PLXND1: variants seen among roughly 807,000 people sequenced by gnomAD.
PLXND1 encodes the protein plexin-D1.
A neutral mutation model predicts 197.7 loss-of-function variants in PLXND1; 54 were observed. The observed-to-expected ratio is 0.27, with a 90% CI of 0.22 to 0.34. The LOEUF (loss-of-function observed/expected upper bound fraction) is 0.34, where lower values mean the gene tolerates loss of function less well. PLXND1 is among the 10% of genes least tolerant of loss of function. The pLI, the probability that PLXND1 is intolerant of heterozygous loss-of-function variation, is 1.00. For missense variants in PLXND1, 2,127 were observed against 2,699.2 expected, an observed-to-expected ratio of 0.79 and a Z score of 4.70; for synonymous variants, 1,180 against 1,161.2, an observed-to-expected ratio of 1.02 and a Z score of -0.33.
chr3:129,565,585 C>T lies in PLXND1; in HGVS notation c.4323-47G>A, dbSNP rs763480304. The T allele has an allele frequency of 3.9e-6, 6 of 1,529,224 alleles. No homozygotes were observed. In the East Asian group the frequency reaches 1.4e-4, roughly 35 times the overall value. 94.7% of individuals were successfully genotyped at this position (1,529,224 alleles called of 1,614,324 possible). ...CAACTGCACCTTGAGGCCCTAGGAG[C>T]TGTGGGTCCCAGGGTCTCAGTGCCG... On this transcript the variant is annotated intron_variant, in intron 24 of 35. Transcript: ENST00000324093.
chr3:129,562,240 C>A (rs945020382), intron 27 of PLXND1, among the ~76,000 whole-genome samples: 1 of 151,206 alleles, frequency 6.6e-6, no homozygotes, highest in African/African-American at 2.4e-5. Context: ...AGGCCCCGCG[C>A]GGTGGCTCAC....
At position 129,589,331 on chromosome 3, in the gene PLXND1, A is replaced by AACCC; in HGVS notation, c.1488+19_1488+20insGGGT. On this transcript the variant is annotated intron_variant, in intron 2 of 35. Transcript: ENST00000324093. ...AGCCTCCCACCCCCACCCCCTCCCC[A>AACCC]CATCCCCAACCATACCTACCTTGAG... is the stretch of plus-strand genomic sequence containing the variant. 1 of 489,468 alleles carries AACCC rather than the reference A, an allele frequency of 2.0e-6. No homozygotes were observed. Among genetic ancestry groups the AACCC allele is most frequent in the South Asian group, 2.3e-5 (1 of 42,718 alleles). The allele number at this position is 489,468 out of a possible 1,614,324, so 30.3% of individuals were successfully genotyped here. A position where few individuals can be genotyped will look rare whatever the true frequency, so the allele number is the denominator to read the frequency against.
chr3:129,570,536 G>A, intron 19 of PLXND1: 1 of 553,708 alleles, frequency 1.8e-6, no homozygotes, highest in Admixed American at 3.1e-5. Context: ...GGGGGACAGG[G>A]ACAATTTCTT....
At chr3:129,603,522 CAA>C (rs1393512549) in intron 1 of PLXND1, among the ~76,000 whole-genome samples, 9 of 152,270 alleles carry the variant, frequency 5.9e-5, no homozygotes, top group East Asian at 3.9e-4. Flanking sequence ...CCCCCAGTGC[CAA>C]ACACAGTTGC....
chr3:129,592,309 C>T (rs1378886002), intron 1 of PLXND1, among the ~76,000 whole-genome samples: 3 of 152,170 alleles, frequency 2.0e-5, no homozygotes, highest in Non-Finnish European at 4.4e-5. Context: ...CTCACCACTG[C>T]GAGGGATGAT....
In PLXND1 at chr3:129,583,652, G is replaced by C; in HGVS notation, c.2156C>G (p.Ser719Trp). The change falls in exon 8 of 36, where the codon TCG (serine) becomes TGG (tryptophan). Residue 719 changes from serine (S) to tryptophan (W), a missense_variant. This residue lies in a region of PLXND1 where 1,095 missense variants were observed against 1,259.8 expected (regional missense o/e 0.87). Transcript: ENST00000324093. ...YPHTACTSCLSAQWPCFWCSQ... is the reference protein window; with the variant it reads ...YPHTACTSCLWAQWPCFWCSQ... ...GCACCAGAAACAGGGCCACTGTGCC[G>C]ACAGGCAGCTGGTACAGCTGGAAGA... The C allele has an allele frequency of 6.2e-7, 1 of 1,612,666 alleles. No homozygotes were observed. Among genetic ancestry groups the C allele is most frequent in the Non-Finnish European group, 8.5e-7 (1 of 1,179,400 alleles).
chr3:129,581,053 G>A (rs1431547430), intron 8 of PLXND1, among the ~76,000 whole-genome samples: 2 of 152,070 alleles, frequency 1.3e-5, no homozygotes, highest in African/African-American at 2.4e-5. Flanking sequence ...CATCTTTCAC[G>A]CGGGGACCAT....
chr3:129,578,323 A>G lies in PLXND1; in HGVS notation c.2346+6T>C. ...CCCACCCGGCGCTGGCCTGGCTTCT[A>G]CTTACCTGGAAAAAGGCAGTGTTGG... On this transcript the variant is annotated splice_donor_region_variant and intron_variant, in intron 9 of 35. Coordinates refer to ENST00000324093, the MANE Select transcript of PLXND1 (RefSeq NM_015103.3). 1.9e-6 allele frequency: 3 copies of G among 1,581,526 alleles called. No individual in the cohort carries two copies. The highest frequency in any genetic ancestry group is 2.6e-6 in the Non-Finnish European group (3 of 1,159,588).
chr3:129,566,135 C>A (rs146453977), intron 23 of PLXND1, 118 bp from the exon 24 acceptor site: 36 of 1,018,398 alleles, frequency 3.5e-5, no homozygotes, highest in Admixed American at 3.1e-4. Flanking sequence ...TCATTACCTT[C>A]CACGGTGGAT....
intron 10 of PLXND1, 38 bp from the exon 11 acceptor site, chr3:129,575,600 A>C: frequency 2.1e-6 from 3 of 1,447,460 alleles, no homozygotes; most frequent in Non-Finnish European, 2.9e-6. Flanking sequence ...GGGCATGGGC[A>C]ATGCCTGGGG....
At chr3:129,569,219 T>C (rs545351868) in intron 20 of PLXND1, 1 of 151,718 alleles carries the variant, frequency 6.6e-6, no homozygotes, top group East Asian at 2.0e-4. Flanking sequence ...ATTTGGGTTG[T>C]TTTGACTTCC....
chr3:129,565,891 C>G lies in PLXND1; in HGVS notation c.4318G>C (p.Asp1440His), dbSNP rs747176885. The change falls in exon 24 of 36, where the codon GAC becomes CAC. Residue 1440 changes from aspartate to histidine, a missense_variant. Coordinates refer to ENST00000324093, the MANE Select transcript of PLXND1 (RefSeq NM_015103.3). ...CCCAGTCTGTCACAGCCTGACCTGT[C>G]GCGCACCGCAAAGTCCTTCTGCTGC... ...LEQQKDFAVR[D>H]RCSLASLLTI... 2 of 1,613,992 alleles carry G rather than the reference C, an allele frequency of 1.2e-6. No homozygotes were observed. Among genetic ancestry groups the G allele is most frequent in the East Asian group, 4.5e-5 (2 of 44,882 alleles).
chr3:129,571,878 C>T (rs936224161), intron 15 of PLXND1, 34 bp from the exon 16 acceptor site: 2 of 1,549,446 alleles, frequency 1.3e-6, no homozygotes, highest in East Asian at 2.4e-5. Context: ...GCAGGGCCTG[C>T]CTTCTGCTGC....
intron 5 of PLXND1, 84 bp from the exon 6 acceptor site, chr3:129,584,646 T>C: frequency 1.5e-6 from 2 of 1,300,380 alleles, no homozygotes; most frequent in African/African-American, 3.0e-5. Context: ...ACCCAAGGTC[T>C]GGCACTGCCT....
intron 31 of PLXND1, 84 bp from the exon 32 acceptor site, chr3:129,559,867 G>T: frequency 8.5e-7 from 1 of 1,180,208 alleles, no homozygotes; most frequent in Non-Finnish European, 1.2e-6. Flanking sequence ...TGCGGAGCTT[G>T]AAATGCCAGG....
At chr3:129,591,480 A>G (rs986363963) in intron 1 of PLXND1, 27 of 152,428 alleles carry the variant, frequency 1.8e-4, no homozygotes, top group African/African-American at 6.3e-4. Context: ...TTCAGCATCA[A>G]TATGGTGACC....
In PLXND1 at chr3:129,557,533, A is replaced by G. The variant is rs182502737; in HGVS notation, c.5446-310T>C. On this transcript the variant is annotated intron_variant, in intron 33 of 35. Coordinates refer to ENST00000324093, the MANE Select transcript of PLXND1 (RefSeq NM_015103.3). This position sits in a 1 kb window ranked among gnomAD's most constrained non-coding sequence, Gnocchi z 4.8. ...GCCAGCTCTTCACTGCACGCAGCCC[A>G]TTCCACGTAACAAGGATGTGTCCTT... is the stretch of plus-strand genomic sequence containing the variant. 1.4e-3 allele frequency among the ~76,000 whole-genome samples: 212 copies of G among 152,162 alleles called. 2 individuals are homozygous for G. The East Asian group carries it at 0.035, about 25-fold the overall frequency.
At chr3:129,564,166 G>A (rs1319039336) in intron 25 of PLXND1, among the ~76,000 whole-genome samples, 3 of 152,216 alleles carry the variant, frequency 2.0e-5, no homozygotes. Context: ...CCCAGGCCCT[G>A]CCTCTGCTCC....
chr3:129,586,616 C>T lies in PLXND1; in HGVS notation c.1592G>A (p.Gly531Asp). 6.4e-7 allele frequency: 1 copy of T among 1,573,610 alleles called. No individual in the cohort carries two copies. The highest frequency in any genetic ancestry group is 1.2e-5 in the South Asian group (1 of 85,624). Residue 531 changes from glycine to aspartate, a missense_variant, in exon 3 of 36, where the codon GGT (glycine) becomes GAT (aspartate). Gly to Asp is a moderately conservative substitution (Grantham distance 94, BLOSUM62 -1). Around this residue, in one of 6 missense-constraint regions of PLXND1, gnomAD observed 1,095 missense variants for 1,259.8 expected, o/e 0.87. Coordinates refer to ENST00000324093, the MANE Select transcript of PLXND1 (RefSeq NM_015103.3). ...HVMQFDPADS[G>D]YLYLMTSHQM... Reference sequence around the variant, plus strand: ...GTGGGACGTCATCAGGTAAAGGTAACCGGAGTCTGCTGGGTCAAACTGCAT... The same window carrying T: ...GTGGGACGTCATCAGGTAAAGGTAATCGGAGTCTGCTGGGTCAAACTGCAT...
Sources: gnomAD v4.1 joint callset for allele counts (sites outside exome capture counted in the v4.1 genomes callset) on GRCh38, gnomAD v4.1.1 for gene constraint, gnomAD v4.1.1 regional missense constraint, Gnocchi (gnomAD v3.1) non-coding constraint, MANE v1.5 for transcripts, NCBI Gene and HGNC (gene_info 2026-07-23, HGNC 2026-07-21) for gene names.